The following MYO9A variants were observed in gnomAD, a reference collection of about 807,000 sequenced individuals.
The protein encoded by MYO9A is unconventional myosin-IXa.
MYO9A carries 103 observed loss-of-function variants against 293.3 expected under a neutral mutation model. That is an observed-to-expected ratio of 0.35 (90% CI 0.30 to 0.41). The LOEUF (loss-of-function observed/expected upper bound fraction) is 0.41, where lower values mean the gene tolerates loss of function less well. Among genes scored for constraint, MYO9A ranks in the 10% least tolerant of loss-of-function variants. The probability of loss-of-function intolerance (pLI) is 1.00; values close to 1 mark genes in which losing one functional copy is unlikely to be tolerated. For missense variants in MYO9A, 2,685 were observed against 3,033.0 expected (o/e 0.89, Z 2.69); for synonymous variants, 1,001 against 1,035.7 (o/e 0.97, Z 0.64).
In MYO9A at chr15:71,925,359, A is replaced by G. The variant is rs1485358206; in HGVS notation, c.2562+8311T>C. ...TATATGTACATATATACTTACATGT[A>G]TATATACATATATACGTATATACGT... On this transcript the variant is annotated intron_variant, in intron 18 of 41. Transcript: ENST00000356056. Among the ~76,000 whole-genome samples, 10 of 149,936 alleles carry G rather than the reference A, an allele frequency of 6.7e-5. No homozygotes were observed. The East Asian group carries it at 1.4e-3, about 20-fold the overall frequency.
chr15:71,895,075 C>T (rs555106593), intron 25 of MYO9A, among the ~76,000 whole-genome samples: 32 of 152,262 alleles, frequency 2.1e-4, no homozygotes, highest in African/African-American at 6.7e-4. Flanking sequence ...GCAATAAGCC[C>T]GAAACAAACA....
chr15:71,887,632 G>A (rs532573053), intron 27 of MYO9A, among the ~76,000 whole-genome samples: 42 of 152,172 alleles, frequency 2.8e-4, no homozygotes, highest in African/African-American at 9.9e-4. Flanking sequence ...GTTCATTGTT[G>A]AAGACAATGT....
chr15:72,087,933 C>T (rs748273897), intron 1 of MYO9A, among the ~76,000 whole-genome samples: 66 of 152,172 alleles, frequency 4.3e-4, no homozygotes, highest in Admixed American at 6.5e-4. Flanking sequence ...GGAGACAGGA[C>T]CTTTAAAGAA....
At chr15:71,995,963 T>C (rs1273493186) in intron 9 of MYO9A, among the ~76,000 whole-genome samples, 1 of 152,168 alleles carries the variant, frequency 6.6e-6, no homozygotes, top group Non-Finnish European at 1.5e-5. Flanking sequence ...GAAAGAAGAC[T>C]GGTACCAAAT....
chr15:72,019,725 T>C (rs1352983679), intron 5 of MYO9A, among the ~76,000 whole-genome samples: 3 of 152,216 alleles, frequency 2.0e-5, no homozygotes, highest in East Asian at 1.9e-4. Context: ...CTGTATTAAC[T>C]TGGAGAAAGC....
chr15:71,826,445 G>T lies in MYO9A; in HGVS notation c.*135C>A. 1.2e-6 allele frequency: 1 copy of T among 862,308 alleles called. No homozygotes were observed. Among genetic ancestry groups the T allele is most frequent in the Non-Finnish European group, 1.8e-6 (1 of 570,690 alleles). 53.4% of individuals were successfully genotyped at this position (862,308 alleles called of 1,614,324 possible). ...GAGGCCCAGGAATTCAGCACATACA[G>T]TCTTAGCCATATGCTTAGAAAAGAG... On this transcript the variant is annotated 3_prime_UTR_variant, in exon 42 of 42. Transcript: ENST00000356056.
chr15:72,054,478 C>G (rs992042083), intron 1 of MYO9A, among the ~76,000 whole-genome samples: 11 of 152,008 alleles, frequency 7.2e-5, no homozygotes. Flanking sequence ...CGAGGCCAGC[C>G]TGGCCAAGAT....
chr15:71,927,685 T>C (rs1002726861), intron 18 of MYO9A, among the ~76,000 whole-genome samples: 1 of 151,788 alleles, frequency 6.6e-6, no homozygotes, highest in Non-Finnish European at 1.5e-5. Context: ...ACTGTATTTA[T>C]TTTTTTTAAA....
At chr15:71,847,103 C>T (rs769354036) in intron 39 of MYO9A, among the ~76,000 whole-genome samples, 7 of 152,164 alleles carry the variant, frequency 4.6e-5, no homozygotes, top group Non-Finnish European at 7.4e-5. Flanking sequence ...TATCTCAATG[C>T]TTTTAACTTT....
intron 17 of MYO9A, 82 bp from the exon 18 acceptor site, chr15:71,933,791 G>A (rs1159210088): frequency 1.7e-6 from 2 of 1,203,728 alleles, no homozygotes; most frequent in African/African-American, 3.1e-5. Context: ...AAGATTTCAA[G>A]GTCTCTCCTA....
chr15:71,917,462 G>A (rs1026495481), intron 18 of MYO9A, among the ~76,000 whole-genome samples: 1 of 152,142 alleles, frequency 6.6e-6, no homozygotes, highest in African/African-American at 2.4e-5. Context: ...TTGAACCCGG[G>A]AGGCAGAGGC....
chr15:71,961,857 G>A (rs1291530308), intron 13 of MYO9A, among the ~76,000 whole-genome samples: 1 of 152,000 alleles, frequency 6.6e-6, no homozygotes, highest in Admixed American at 6.6e-5. Context: ...GTACCTGTGA[G>A]TACAGATGTG....
intron 1 of MYO9A, among the ~76,000 whole-genome samples, chr15:72,050,723 G>A (rs2078534998): frequency 6.6e-6 from 1 of 152,096 alleles, no homozygotes. Flanking sequence ...TGTTATTGCT[G>A]GTCCAGAAAA....
chr15:71,945,187 G>A (rs2058881270), intron 15 of MYO9A, among the ~76,000 whole-genome samples: 1 of 152,150 alleles, frequency 6.6e-6, no homozygotes, highest in Admixed American at 6.6e-5. Flanking sequence ...TCAAGAGGTT[G>A]TATTCAAGCT....
At chr15:72,100,470 G>A (rs891529595) in intron 1 of MYO9A, among the ~76,000 whole-genome samples, 8 of 151,886 alleles carry the variant, frequency 5.3e-5, no homozygotes, top group Non-Finnish European at 1.2e-4. Context: ...AGTCTGGGAG[G>A]TGAGGAGCGT....
At chr15:72,080,287 A>C (rs556250869) in intron 1 of MYO9A, among the ~76,000 whole-genome samples, 2 of 147,818 alleles carry the variant, frequency 1.4e-5, no homozygotes, top group Middle Eastern at 3.4e-3. Flanking sequence ...CGTACCAATC[A>C]ATAAACTAAC....
chr15:71,988,941 C>T (rs1033100292), intron 11 of MYO9A, among the ~76,000 whole-genome samples: 1 of 152,210 alleles, frequency 6.6e-6, no homozygotes, highest in Admixed American at 6.5e-5. Flanking sequence ...GTCACCCAGG[C>T]TGGAGTACAG....
intron 30 of MYO9A, among the ~76,000 whole-genome samples, chr15:71,878,447 C>A (rs1049950954): frequency 6.6e-6 from 1 of 152,058 alleles, no homozygotes; most frequent in Non-Finnish European, 1.5e-5. Flanking sequence ...TAGTAAAAAA[C>A]CTGACGGTAA....
At chr15:72,080,971 G>A (rs1044374377) in intron 1 of MYO9A, among the ~76,000 whole-genome samples, 5 of 152,068 alleles carry the variant, frequency 3.3e-5, no homozygotes, top group African/African-American at 1.2e-4. Context: ...CCACTGATGG[G>A]CATTTAGGTT....
Sources: allele counts gnomAD v4.1 joint callset (sites outside exome capture counted in the v4.1 genomes callset), GRCh38; gene constraint gnomAD v4.1.1; transcripts MANE v1.5; gene names NCBI Gene and HGNC (gene_info 2026-07-23, HGNC 2026-07-21).